PCDHGB2: variants seen among roughly 807,000 people sequenced by gnomAD.
PCDHGB2 encodes protocadherin gamma-B2.
In PCDHGB2, 55 loss-of-function variants were observed where a neutral mutation model predicts 59.3. The observed-to-expected ratio is 0.93, with a 90% CI of 0.75 to 1.16. PCDHGB2 has a LOEUF of 1.16. Ranked by LOEUF, PCDHGB2 falls within the 50% of genes most tolerant of loss-of-function variation. The pLI is 0.00. For synonymous variants in PCDHGB2, 516 were observed against 512.0 expected, an observed-to-expected ratio of 1.01 and a Z score of -0.11; for missense variants, 1,228 against 1,198.5, an observed-to-expected ratio of 1.02 and a Z score of -0.36.
chr5:141,410,455 T>G (rs2095396076), intron 1 of PCDHGB2: 3 of 1,613,914 alleles, frequency 1.9e-6, no homozygotes, highest in African/African-American at 2.7e-5. Flanking sequence ...TGCCTTATTC[T>G]TATAATCTGT....
intron 1 of PCDHGB2, chr5:141,365,466 A>C: frequency 6.2e-7 from 1 of 1,614,016 alleles, no homozygotes; most frequent in African/African-American, 1.3e-5. Flanking sequence ...TCTGGAGAAA[A>C]TGGTGAGATT....
At chr5:141,406,567 T>A (rs1270084196) in intron 1 of PCDHGB2, among the ~76,000 whole-genome samples, 2 of 152,224 alleles carry the variant, frequency 1.3e-5, no homozygotes, top group African/African-American at 4.8e-5. Context: ...TTCCAAACCC[T>A]AGTAAACCAA....
Position 141,360,013 on chromosome 5 carries a change from A to G in PCDHGB2, c.-123A>G, listed in dbSNP as rs1033161220. On this transcript the variant is annotated 5_prime_UTR_variant, in exon 1 of 4. Coordinates refer to ENST00000522605, the MANE Select transcript of PCDHGB2 (RefSeq NM_018923.3). ...AACTTCCTGCACAAACCAACCACAC[A>G]GAGAAGGCCAGTATAGATTCGGAAA... 4.8e-5 allele frequency: 60 copies of G among 1,245,546 alleles called. No homozygotes were observed. Among genetic ancestry groups the G allele is most frequent in the Non-Finnish European group, 6.2e-5 (58 of 929,788 alleles). 77.2% of individuals were successfully genotyped at this position (1,245,546 alleles called of 1,614,324 possible). A position where few individuals can be genotyped will look rare whatever the true frequency, so the allele number is the denominator to read the frequency against.
At chr5:141,423,707 G>A in intron 1 of PCDHGB2, 1 of 1,164,238 alleles carries the variant, frequency 8.6e-7, no homozygotes, top group Non-Finnish European at 1.1e-6. Flanking sequence ...CTTGGCACAA[G>A]TCTTTTAAGG....
rs200533514 is a variant in PCDHGB2 at position 141,476,315 on chromosome 5, C to T, written c.2422-18492C>T. On this transcript the variant is annotated intron_variant, in intron 1 of 3. Transcript: ENST00000522605. This position sits in a 1 kb window ranked among gnomAD's most constrained non-coding sequence, Gnocchi z 7.6. The stretch of plus-strand genomic sequence containing the variant: ...CGGTAGCCTCTCAGCCCGCAGGTTC[C>T]GGGTGGTGTCTGGAGCTAGCCGAAG... 264 of 1,613,910 alleles carry T rather than the reference C, an allele frequency of 1.6e-4. No homozygotes were observed. The highest frequency in any genetic ancestry group is 2.1e-4 in the Non-Finnish European group (248 of 1,180,024).
intron 1 of PCDHGB2, chr5:141,418,530 G>A (rs370822103): frequency 5.0e-6 from 8 of 1,613,834 alleles, no homozygotes; most frequent in Non-Finnish European, 6.8e-6. Context: ...CCCCGAAGCG[G>A]TACTGCTCAG....
At position 141,420,340 on chromosome 5, in the gene PCDHGB2, G is replaced by A. The variant is rs1405507680; in HGVS notation, c.2421+57784G>A. ...ATATGCCAATATATTCCAATATAGT[G>A]GTATTATTTTAAGATTCTAGATAAC... On this transcript the variant is annotated intron_variant, in intron 1 of 3. Transcript: ENST00000522605. The A allele has an allele frequency of 2.9e-6, 4 of 1,387,388 alleles. No homozygotes were observed. In the African/African-American group the frequency reaches 4.4e-5, roughly 15 times the overall value. 85.9% of individuals were successfully genotyped at this position (1,387,388 alleles called of 1,614,324 possible). A position where few individuals can be genotyped will look rare whatever the true frequency, so the allele number is the denominator to read the frequency against.
At chr5:141,448,220 G>A (rs750470070) in intron 1 of PCDHGB2, among the ~76,000 whole-genome samples, 9 of 152,148 alleles carry the variant, frequency 5.9e-5, no homozygotes, top group Non-Finnish European at 1.0e-4. Flanking sequence ...GTATGCGAAT[G>A]TATGTGTGGG....
At chr5:141,370,688 G>A (rs374195397) in intron 1 of PCDHGB2, 7 of 1,613,840 alleles carry the variant, frequency 4.3e-6, no homozygotes, top group Non-Finnish European at 5.9e-6. Context: ...TTTGTGGCAA[G>A]AAGTCGACGT....
intron 1 of PCDHGB2, chr5:141,478,557 G>A (rs1316386006): frequency 1.2e-6 from 2 of 1,600,016 alleles, no homozygotes; most frequent in Non-Finnish European, 1.7e-6. Context: ...GTAAGGTTTA[G>A]CAAGTCATGC....
intron 1 of PCDHGB2, chr5:141,478,533 C>G: frequency 6.2e-7 from 1 of 1,608,070 alleles, no homozygotes; most frequent in African/African-American, 1.3e-5. Context: ...GCAGAGAGCG[C>G]CCCTCCCGGA....
chr5:141,474,105 C>A (rs1292743515), intron 1 of PCDHGB2, among the ~76,000 whole-genome samples: 1 of 152,036 alleles, frequency 6.6e-6, no homozygotes, highest in African/African-American at 2.4e-5. Flanking sequence ...ACAACAAAAA[C>A]AACAACAACG....
chr5:141,394,018 A>T (rs2092900242), intron 1 of PCDHGB2: 1 of 1,613,496 alleles, frequency 6.2e-7, no homozygotes. Flanking sequence ...GGTAATTATT[A>T]TAGATTAGTG....
At chr5:141,398,079 G>A (rs1409220171) in intron 1 of PCDHGB2, 9 of 1,596,334 alleles carry the variant, frequency 5.6e-6, no homozygotes, top group Middle Eastern at 3.8e-4. Context: ...GAGGTTATTT[G>A]TAACCTGGCG....
At position 141,487,796 on chromosome 5, in the gene PCDHGB2, T is replaced by C. The variant is rs766798983; in HGVS notation, c.2422-7011T>C. ...TAACTGTTTCGTGAATTAACCAGAG[T>C]TGTCACAGTTTAGCATTGGGGGCGG... On this transcript the variant is annotated intron_variant, in intron 1 of 3. Coordinates refer to ENST00000522605, the MANE Select transcript of PCDHGB2 (RefSeq NM_018923.3). The surrounding 1 kb of genome is among the most constrained non-coding windows in gnomAD (Gnocchi z 5.0). 15 of 1,498,660 alleles carry C rather than the reference T, an allele frequency of 1.0e-5. No homozygotes were observed. The highest frequency in any genetic ancestry group is 1.4e-5 in the Non-Finnish European group (15 of 1,110,900). 92.8% of individuals were successfully genotyped at this position (1,498,660 alleles called of 1,614,324 possible). A position where few individuals can be genotyped will look rare whatever the true frequency, so the allele number is the denominator to read the frequency against.
At chr5:141,460,981 G>GTATA (rs1491204135) in intron 1 of PCDHGB2, among the ~76,000 whole-genome samples, 10 of 121,884 alleles carry the variant, frequency 8.2e-5, no homozygotes, top group African/African-American at 3.1e-4. Context: ...GTGTGTGTGT[G>GTATA]TGTATATATA....
Position 141,404,160 on chromosome 5 carries a change from G to A in PCDHGB2, c.2421+41604G>A, listed in dbSNP as rs1308529085. On this transcript the variant is annotated intron_variant, in intron 1 of 3. Coordinates refer to ENST00000522605, the MANE Select transcript of PCDHGB2 (RefSeq NM_018923.3). The stretch of plus-strand genomic sequence containing the variant: ...GAAAATTCAGAAGAAGATTATTACA[G>A]ATTGTTGACGGCCCAAATTCTTGAC... The A allele has an allele frequency of 3.1e-6, 5 of 1,613,054 alleles. No homozygotes were observed. In the Admixed American group the frequency reaches 6.7e-5, roughly 22 times the overall value.
At chr5:141,408,588 A>G in intron 1 of PCDHGB2, 1 of 1,614,042 alleles carries the variant, frequency 6.2e-7, no homozygotes, top group Non-Finnish European at 8.5e-7. Context: ...GTTAATGACC[A>G]CGCCCCTCAA....
At chr5:141,430,996 G>A (rs1256552269) in intron 1 of PCDHGB2, 6 of 1,614,024 alleles carry the variant, frequency 3.7e-6, no homozygotes, top group Non-Finnish European at 5.1e-6. Context: ...CCCTGAATCC[G>A]CGCAGCGGCA....
Sources: allele counts gnomAD v4.1 joint callset (sites outside exome capture counted in the v4.1 genomes callset), GRCh38; gene constraint gnomAD v4.1.1; non-coding constraint Gnocchi (gnomAD v3.1); transcripts MANE v1.5; gene names NCBI Gene and HGNC (gene_info 2026-07-23, HGNC 2026-07-21).